CSMD1: variants seen among roughly 807,000 people sequenced by gnomAD.
CSMD1 encodes the protein CUB and Sushi multiple domains 1.
CSMD1 carries 213 observed loss-of-function variants against 417.5 expected under a neutral mutation model. The ratio of observed to expected loss-of-function variants is 0.51; its 90% confidence interval spans 0.46 to 0.57. The LOEUF (loss-of-function observed/expected upper bound fraction) is 0.57. Among genes scored for constraint, CSMD1 ranks in the 20% least tolerant of loss-of-function variants. The probability of loss-of-function intolerance (pLI) is 0.00; values close to 1 mark genes in which losing one functional copy is unlikely to be tolerated. For synonymous variants in CSMD1, 2,862 were observed against 1,736.8 expected (o/e 1.65, Z -16.11); for missense variants, 6,923 against 4,529.7 (o/e 1.53, Z -15.17).
chr8:4,619,459 G>A (rs1301034606), intron 2 of CSMD1, among the ~76,000 whole-genome samples: 2 of 152,160 alleles, frequency 1.3e-5, no homozygotes, highest in African/African-American at 2.4e-5. Context: ...AGCTAGTGTA[G>A]TAGAAGTAGC....
At chr8:4,270,749 G>C (rs532309729) in intron 3 of CSMD1, among the ~76,000 whole-genome samples, 1 of 152,164 alleles carries the variant, frequency 6.6e-6, no homozygotes, top group Non-Finnish European at 1.5e-5. Flanking sequence ...TGAGGACAGT[G>C]CTACTCATCA....
chr8:3,251,826 G>A (rs28876477), intron 26 of CSMD1, among the ~76,000 whole-genome samples: 4 of 152,086 alleles, frequency 2.6e-5, no homozygotes, highest in Non-Finnish European at 4.4e-5. Flanking sequence ...CTTTGAAGCA[G>A]TTGTGAATGG....
At position 3,387,549 on chromosome 8, in the gene CSMD1, C is replaced by T. The variant is rs746851175; in HGVS notation, c.2727G>A (p.Glu909=). The change falls in exon 18 of 70, where the codon GAG becomes GAA. Residue 909 remains glutamate (E), a synonymous_variant. Coordinates refer to ENST00000635120, the MANE Select transcript of CSMD1 (RefSeq NM_033225.6). ...GGTGGTTCCTCTCACAGACGAGGGG[C>T]TCGTCGTCACTTAGTGTGTACCCCG... The part of the protein sequence containing the change: ...CDPGYTLSDD[E]PLVCERNHQW... 3.1e-6 allele frequency: 5 copies of T among 1,601,506 alleles called. No individual in the cohort carries two copies. The East Asian group carries it at 9.0e-5, about 29-fold the overall frequency.
chr8:4,681,263 G>C (rs1021869406), intron 1 of CSMD1, among the ~76,000 whole-genome samples: 2 of 152,066 alleles, frequency 1.3e-5, no homozygotes, highest in African/African-American at 2.4e-5. Context: ...AATAAATCCA[G>C]TCTGCTTGGC....
At chr8:3,836,083 C>G (rs547198525) in intron 5 of CSMD1, among the ~76,000 whole-genome samples, 33 of 152,074 alleles carry the variant, frequency 2.2e-4, no homozygotes, top group African/African-American at 3.4e-4. Context: ...TCTTAATTAT[C>G]TTTTTAAACT....
intron 1 of CSMD1, among the ~76,000 whole-genome samples, chr8:4,650,563 A>G (rs1026052805): frequency 6.6e-6 from 1 of 152,056 alleles, no homozygotes; most frequent in Admixed American, 6.5e-5. Context: ...GAAACAACGC[A>G]TGACATTGAA....
intron 1 of CSMD1, among the ~76,000 whole-genome samples, chr8:4,781,365 G>A (rs1398680189): frequency 1.3e-5 from 2 of 152,162 alleles, no homozygotes; most frequent in Admixed American, 1.3e-4. Context: ...TCCCTTTCTA[G>A]ATCACTCTCT....
chr8:4,070,338 C>A (rs888066639), intron 3 of CSMD1, among the ~76,000 whole-genome samples: 4 of 152,012 alleles, frequency 2.6e-5, no homozygotes, highest in African/African-American at 9.7e-5. Flanking sequence ...AAAATGTCTT[C>A]TTATATTAAC....
intron 3 of CSMD1, among the ~76,000 whole-genome samples, chr8:4,285,146 G>T (rs1478321355): frequency 1.3e-5 from 2 of 152,150 alleles, no homozygotes; most frequent in Admixed American, 1.3e-4. Context: ...AGATATTTTG[G>T]TTGTCCACAA....
chr8:3,399,156 T>C (rs1050908027), intron 16 of CSMD1, among the ~76,000 whole-genome samples: 4 of 152,110 alleles, frequency 2.6e-5, no homozygotes, highest in African/African-American at 9.7e-5. Context: ...TCGGGAATGG[T>C]CCTCCAGGAC....
intron 6 of CSMD1, among the ~76,000 whole-genome samples, chr8:3,721,930 T>C (rs1346603484): frequency 6.6e-6 from 1 of 152,132 alleles, no homozygotes; most frequent in Non-Finnish European, 1.5e-5. Context: ...TGCATCTACA[T>C]GCCACAGGTG....
intron 3 of CSMD1, among the ~76,000 whole-genome samples, chr8:4,051,805 A>G (rs1181416504): frequency 6.6e-6 from 1 of 152,018 alleles, no homozygotes; most frequent in East Asian, 1.9e-4. Flanking sequence ...ACCATACAAT[A>G]CTGACAGTTT....
At chr8:3,207,827 C>T (rs929136334) in intron 30 of CSMD1, among the ~76,000 whole-genome samples, 2 of 152,144 alleles carry the variant, frequency 1.3e-5, no homozygotes, top group African/African-American at 2.4e-5. Flanking sequence ...AAACACTTCT[C>T]TAAAACACTT....
At chr8:3,337,879 T>G (rs1350589271) in intron 23 of CSMD1, among the ~76,000 whole-genome samples, 3 of 152,198 alleles carry the variant, frequency 2.0e-5, no homozygotes, top group Non-Finnish European at 4.4e-5. Flanking sequence ...TCTACCTCTG[T>G]TCAAACTTCT....
chr8:3,642,777 C>A (rs561711999), intron 7 of CSMD1, among the ~76,000 whole-genome samples: 2 of 152,124 alleles, frequency 1.3e-5, no homozygotes, highest in East Asian at 3.9e-4. Context: ...AAACGCATTT[C>A]ATGCAGAGTA....
intron 33 of CSMD1, among the ~76,000 whole-genome samples, chr8:3,190,609 A>G (rs965486577): frequency 1.3e-5 from 2 of 152,176 alleles, no homozygotes; most frequent in Admixed American, 6.5e-5. Flanking sequence ...TTAAACTACC[A>G]TCAGATCCAG....
At chr8:4,617,673 T>G (rs567838438) in intron 2 of CSMD1, among the ~76,000 whole-genome samples, 2 of 152,296 alleles carry the variant, frequency 1.3e-5, no homozygotes, top group East Asian at 3.9e-4. Flanking sequence ...TGTTTAGGTT[T>G]CAGATCAAAG....
chr8:4,560,863 A>G (rs914140283), intron 2 of CSMD1, among the ~76,000 whole-genome samples: 1 of 152,180 alleles, frequency 6.6e-6, no homozygotes, highest in Non-Finnish European at 1.5e-5. Context: ...TCTCTTGGAC[A>G]TCAAATCCCA....
chr8:3,209,287 GTTTGTTTATTTA>G (rs1473819079), intron 30 of CSMD1, among the ~76,000 whole-genome samples: 10 of 80,750 alleles, frequency 1.2e-4, no homozygotes, highest in South Asian at 4.3e-4. Context: ...TTATTTGTTT[GTTTGTTTATTTA>G]TTTATTTATT....
Sources: allele counts gnomAD v4.1 joint callset (sites outside exome capture counted in the v4.1 genomes callset), GRCh38; gene constraint gnomAD v4.1.1; transcripts MANE v1.5; gene names NCBI Gene and HGNC (gene_info 2026-07-23, HGNC 2026-07-21).